CAPSL: variants seen among roughly 807,000 people sequenced by gnomAD.
The protein encoded by CAPSL is calcyphosine like.
Under a neutral mutation model 21.3 loss-of-function variants are expected in CAPSL, and 17 were observed. That is an observed-to-expected ratio of 0.80 (90% CI 0.55 to 1.20). CAPSL has a LOEUF of 1.20. CAPSL is among the 50% of genes most tolerant of loss of function. The probability of loss-of-function intolerance (pLI) is 0.00; values close to 1 mark genes in which losing one functional copy is unlikely to be tolerated. For synonymous variants in CAPSL, 102 were observed against 89.3 expected, an observed-to-expected ratio of 1.14 and a Z score of -0.80; for missense variants, 289 against 259.3, an observed-to-expected ratio of 1.11 and a Z score of -0.79.
At chr5:35,911,788 C>T (rs1365260674) in intron 2 of CAPSL, among the ~76,000 whole-genome samples, 3 of 152,120 alleles carry the variant, frequency 2.0e-5, no homozygotes, top group African/African-American at 7.2e-5. Context: ...TCTACAGCTC[C>T]CAGCGTGAGC....
Position 35,910,016 on chromosome 5 carries a change from C to G in CAPSL, c.375G>C (p.Lys125Asn). Reference protein sequence around the residue: ...VIMQAFRKLDKTGDGVITIED... With the variant: ...VIMQAFRKLDNTGDGVITIED... ...CGATTGTTATAACACCATCTCCAGT[C>G]TTGTCTAACTTTCTAAAAGCTTGCA... The change falls in exon 4 of 5, where the codon AAG becomes AAC. Residue 125 changes from lysine (K) to asparagine (N), a missense_variant. Physicochemically the swap from Lys to Asn is moderately conservative, Grantham distance 94. Transcript: ENST00000651391. 6.2e-7 allele frequency: 1 copy of G among 1,613,460 alleles called. No homozygotes were observed. Among genetic ancestry groups the G allele is most frequent in the Non-Finnish European group, 8.5e-7 (1 of 1,179,828 alleles).
intron 4 of CAPSL, among the ~76,000 whole-genome samples, chr5:35,907,616 A>G (rs1760708631): frequency 6.6e-6 from 1 of 152,176 alleles, no homozygotes; most frequent in African/African-American, 2.4e-5. Context: ...AAGATTTATG[A>G]CATCAAATTC....
rs575537588 is a variant in CAPSL, at chr5:35,920,242, C to A, written c.137+742G>T. 4.5e-4 allele frequency among the ~76,000 whole-genome samples: 68 copies of A among 152,316 alleles called. 1 individual carries two copies. The highest frequency in any genetic ancestry group is 3.4e-3 in the Middle Eastern group (1 of 294). ...TGTACTTCTCTAATAAACAACTTCT[C>A]ACACCACTGAGATGCCATTTAGATC... On this transcript the variant is annotated intron_variant, in intron 2 of 4. Coordinates refer to ENST00000651391, the MANE Select transcript of CAPSL (RefSeq NM_001042625.2).
chr5:35,908,835 G>C (rs919868858), intron 4 of CAPSL, among the ~76,000 whole-genome samples: 3 of 152,148 alleles, frequency 2.0e-5, no homozygotes, highest in African/African-American at 7.2e-5. Context: ...CCCACCCCTT[G>C]CTAATGAGAC....
chr5:35,922,857 G>C (rs981862866), intron 1 of CAPSL, among the ~76,000 whole-genome samples: 1 of 152,126 alleles, frequency 6.6e-6, no homozygotes, highest in Admixed American at 6.5e-5. Flanking sequence ...CCAGAATCCT[G>C]AGTCACAGAC....
Position 35,904,546 on chromosome 5 carries a change from T to A in CAPSL, c.626A>T (p.Ter209LeuextTer18). The change falls in exon 5 of 5, where the codon TAA becomes TTA. Residue 209 changes from the stop codon to leucine (L), a stop_lost. Coordinates refer to ENST00000651391, the MANE Select transcript of CAPSL (RefSeq NM_001042625.2). ...IIMMRTAWKL[*>L] Reference sequence around the variant, plus strand: ...GGGCCTGGTCCCCAGGTCATGTGCTTAAAGCTTCCAGGCGGTTCTCATCAT... The same window carrying A: ...GGGCCTGGTCCCCAGGTCATGTGCTAAAAGCTTCCAGGCGGTTCTCATCAT... 6.2e-7 allele frequency: 1 copy of A among 1,612,844 alleles called. No individual in the cohort carries two copies. The highest frequency in any genetic ancestry group is 8.5e-7 in the Non-Finnish European group (1 of 1,179,058).
At chr5:35,915,773 A>T (rs1000171258) in intron 2 of CAPSL, among the ~76,000 whole-genome samples, 1 of 152,190 alleles carries the variant, frequency 6.6e-6, no homozygotes, top group African/African-American at 2.4e-5. Flanking sequence ...TCGGCAAAAA[A>T]CTGGAAGCAT....
intron 2 of CAPSL, among the ~76,000 whole-genome samples, chr5:35,912,064 T>G (rs1318305516): frequency 6.6e-6 from 1 of 152,142 alleles, no homozygotes; most frequent in Non-Finnish European, 1.5e-5. Flanking sequence ...GGAGATTATA[T>G]CCTGCACCTG....
At chr5:35,906,016 A>T (rs935058446) in intron 4 of CAPSL, among the ~76,000 whole-genome samples, 1 of 152,234 alleles carries the variant, frequency 6.6e-6, no homozygotes, top group Non-Finnish European at 1.5e-5. Context: ...GTCCTCAAAA[A>T]GTTGCAGGCT....
At chr5:35,916,276 T>A (rs1482257800) in intron 2 of CAPSL, among the ~76,000 whole-genome samples, 1 of 151,932 alleles carries the variant, frequency 6.6e-6, no homozygotes, top group Non-Finnish European at 1.5e-5. Flanking sequence ...ATCTTGAAAA[T>A]GGCCATACTG....
chr5:35,921,108 C>A lies in CAPSL; in HGVS notation c.13G>T (p.Ala5Ser), dbSNP rs1738526703. The change falls in exon 2 of 5, where the codon GCG (alanine) becomes TCG (serine). Residue 5 changes from alanine to serine, a missense_variant. Physicochemically the swap from Ala to Ser is moderately conservative, Grantham distance 99. Coordinates refer to ENST00000651391, the MANE Select transcript of CAPSL (RefSeq NM_001042625.2). ...ATCGCCATCTCTCGGTCATGGCGCG[C>A]TGTCCCTGCCATCTGAGGGGAAGCC... MAGTARHDREMAIQA... is the reference protein window; with the variant it reads MAGTSRHDREMAIQA... The A allele has an allele frequency of 3.1e-6, 5 of 1,613,908 alleles. No homozygotes were observed. Among genetic ancestry groups the A allele is most frequent in the Non-Finnish European group, 4.2e-6 (5 of 1,179,990 alleles).
At chr5:35,922,648 G>C (rs573796897) in intron 1 of CAPSL, among the ~76,000 whole-genome samples, 6 of 152,164 alleles carry the variant, frequency 3.9e-5, no homozygotes, top group African/African-American at 1.4e-4. Flanking sequence ...TTCCATCTCC[G>C]TTCTTGCCAG....
At chr5:35,928,456 A>G (rs1381911926) in intron 1 of CAPSL, among the ~76,000 whole-genome samples, 1 of 152,172 alleles carries the variant, frequency 6.6e-6, no homozygotes. Context: ...AGCCTCAGAT[A>G]AGAGTGTGTG....
In CAPSL at chr5:35,910,415, T is replaced by C. The variant is rs904529862; in HGVS notation, c.266A>G (p.Lys89Arg). The C allele has an allele frequency of 2.5e-6, 4 of 1,613,906 alleles. No homozygotes were observed. In the African/African-American group the frequency reaches 4.0e-5, roughly 16 times the overall value. ...GAAGTCTATTGTTCCATTTCCATCTTTATCAAACCTCCGGAAAAGTTCTTC... is the reference window on the plus strand; with the variant it reads ...GAAGTCTATTGTTCCATTTCCATCTCTATCAAACCTCCGGAAAAGTTCTTC... ...EVEELFRRFD[K>R]DGNGTIDFNE... The change falls in exon 3 of 5, where the codon AAA (lysine) becomes AGA (arginine). Residue 89 changes from lysine (K) to arginine (R), a missense_variant. Physicochemically the swap from Lys to Arg is conservative, Grantham distance 26. Coordinates refer to ENST00000651391, the MANE Select transcript of CAPSL (RefSeq NM_001042625.2).
rs1325834025 is a variant in CAPSL at position 35,910,355 on chromosome 5, G to C, written c.315+11C>G. On this transcript the variant is annotated intron_variant, in intron 3 of 4. Transcript: ENST00000651391. ...AACTCAGCAGATACACTGATTAATG[G>C]GGCCACTTACTCTTAATGTGAGAAG... 6.2e-7 allele frequency: 1 copy of C among 1,610,054 alleles called. No homozygotes were observed. Among genetic ancestry groups the C allele is most frequent in the Non-Finnish European group, 8.5e-7 (1 of 1,178,326 alleles).
At chr5:35,905,482 G>C (rs1482816041) in intron 4 of CAPSL, among the ~76,000 whole-genome samples, 1 of 152,144 alleles carries the variant, frequency 6.6e-6, no homozygotes, top group Non-Finnish European at 1.5e-5. Context: ...AAAGTCACTG[G>C]ATCCACAGTT....
rs1272646745 is a variant in CAPSL, at chr5:35,909,853, C to T, written c.525+13G>A. ...TTGAAGAAATTTCCCCTAGATTAGG[C>T]TCTTTTACTTACCAATCCATCTTTG... On this transcript the variant is annotated intron_variant, in intron 4 of 4. Coordinates refer to ENST00000651391, the MANE Select transcript of CAPSL (RefSeq NM_001042625.2). 10 of 1,599,296 alleles carry T rather than the reference C, an allele frequency of 6.3e-6. No homozygotes were observed. The highest frequency in any genetic ancestry group is 4.5e-5 in the East Asian group (2 of 44,804).
intron 1 of CAPSL, among the ~76,000 whole-genome samples, chr5:35,937,308 T>C (rs1738975127): frequency 6.6e-6 from 1 of 152,214 alleles, no homozygotes; most frequent in South Asian, 2.1e-4. Flanking sequence ...AAATGAAAGT[T>C]CTTAGCATTG....
At chr5:35,910,210 A>G in intron 3 of CAPSL, 135 bp from the exon 4 acceptor site, 1 of 1,070,706 alleles carries the variant, frequency 9.3e-7, no homozygotes. Context: ...TAGACACTAC[A>G]ATTGCTCCAA....
Sources: allele counts gnomAD v4.1 joint callset (sites outside exome capture counted in the v4.1 genomes callset), GRCh38; gene constraint gnomAD v4.1.1; transcripts MANE v1.5; gene names NCBI Gene and HGNC (gene_info 2026-07-23, HGNC 2026-07-21).